Variants in CTIF observed in about 807,000 individuals in gnomAD.
The protein encoded by CTIF is CBP80/20-dependent translation initiation factor.
Under a neutral mutation model 66.0 loss-of-function variants are expected in CTIF, and 21 were observed. The ratio of observed to expected loss-of-function variants is 0.32; its 90% confidence interval spans 0.23 to 0.46. The LOEUF (loss-of-function observed/expected upper bound fraction) is 0.46, where lower values mean the gene tolerates loss of function less well. CTIF is among the 20% of genes least tolerant of loss of function. CTIF has a pLI of 1.00. For synonymous variants in CTIF, 345 were observed against 326.4 expected (o/e 1.06, Z -0.62); for missense variants, 739 against 812.7 (o/e 0.91, Z 1.10).
chr18:48,698,289 C>T (rs766938717), intron 6 of CTIF, among the ~76,000 whole-genome samples: 1 of 152,024 alleles, frequency 6.6e-6, no homozygotes. Context: ...CCTCCTGGAA[C>T]CTGTCGCAGG....
At chr18:48,684,201 C>T (rs1390168793) in intron 6 of CTIF, among the ~76,000 whole-genome samples, 1 of 152,096 alleles carries the variant, frequency 6.6e-6, no homozygotes, top group Non-Finnish European at 1.5e-5. Context: ...GCTGGGGCGA[C>T]CTCATGCCTT....
At chr18:48,749,601 T>C (rs1041139178) in intron 7 of CTIF, among the ~76,000 whole-genome samples, 1 of 152,196 alleles carries the variant, frequency 6.6e-6, no homozygotes, top group Admixed American at 6.5e-5. Flanking sequence ...GGCATAATAA[T>C]ATTACAAACA....
chr18:48,549,720 T>C (rs1430695506), intron 1 of CTIF, among the ~76,000 whole-genome samples: 1 of 152,154 alleles, frequency 6.6e-6, no homozygotes, highest in East Asian at 1.9e-4. Context: ...GAAGATTCTA[T>C]CAAGGCTCCT....
chr18:48,583,707 G>A (rs58086663), intron 1 of CTIF, among the ~76,000 whole-genome samples: 3,672 of 152,282 alleles, frequency 0.024, 145 homozygotes, highest in African/African-American at 0.081. Flanking sequence ...GGGCTTGTAG[G>A]AGGTGCCAAC....
At chr18:48,721,489 T>C (rs2145572021) in intron 7 of CTIF, among the ~76,000 whole-genome samples, 1 of 152,286 alleles carries the variant, frequency 6.6e-6, no homozygotes, top group South Asian at 2.1e-4. Context: ...ACCTGGCCTC[T>C]GGCACCAAGC....
chr18:48,854,376 G>A (rs1296904867), intron 10 of CTIF, among the ~76,000 whole-genome samples: 7 of 152,106 alleles, frequency 4.6e-5, no homozygotes, highest in Non-Finnish European at 7.4e-5. Flanking sequence ...TATGGAGTGC[G>A]GCCCTTTAAC....
intron 10 of CTIF, among the ~76,000 whole-genome samples, chr18:48,841,666 G>C (rs894438795): frequency 7.0e-6 from 1 of 142,400 alleles, no homozygotes; most frequent in Admixed American, 7.3e-5. Context: ...TCGGGGGCCA[G>C]GCTGGTGGGC....
In CTIF at chr18:48,619,726, C is replaced by T. The variant is rs1011115084; in HGVS notation, c.161C>T (p.Thr54Ile). The T allele has an allele frequency of 4.4e-6, 7 of 1,599,840 alleles. No homozygotes were observed. Among genetic ancestry groups the T allele is most frequent in the African/African-American group, 1.3e-5 (1 of 74,668 alleles). The change falls in exon 2 of 12, where the codon ACC becomes ATC. Residue 54 changes from threonine to isoleucine, a missense_variant. Thr to Ile is a moderately conservative substitution (Grantham distance 89, BLOSUM62 -1). Coordinates refer to ENST00000256413, the MANE Select transcript of CTIF (RefSeq NM_014772.3). ...KTEGDGESERTQSHISQWTAD... is the reference protein window; with the variant it reads ...KTEGDGESERIQSHISQWTAD... ...GAGGGTGATGGCGAGAGCGAGAGGA[C>T]CCAGTCCCACATCTCCCAGGTGAGC...
At chr18:48,786,398 C>G (rs957559248) in intron 9 of CTIF, among the ~76,000 whole-genome samples, 1 of 152,194 alleles carries the variant, frequency 6.6e-6, no homozygotes, top group Non-Finnish European at 1.5e-5. Flanking sequence ...GCATTCCTGC[C>G]TAGGTTCAAA....
At chr18:48,845,189 C>T (rs2069043507) in intron 10 of CTIF, among the ~76,000 whole-genome samples, 1 of 152,130 alleles carries the variant, frequency 6.6e-6, no homozygotes, top group South Asian at 2.1e-4. Context: ...GAAGAAAGTA[C>T]AGAAATTCAT....
At chr18:48,675,123 A>G (rs1003037657) in intron 6 of CTIF, among the ~76,000 whole-genome samples, 4 of 145,394 alleles carry the variant, frequency 2.8e-5, no homozygotes, top group African/African-American at 1.0e-4. Flanking sequence ...TCAGGGTTCA[A>G]TCATGGTTCT....
rs1022568460 is a variant in CTIF at position 48,823,612 on chromosome 18, GTTC to G, written c.1527+6243_1527+6245del. On this transcript the variant is annotated intron_variant, in intron 10 of 11. Transcript: ENST00000256413. ...AGGAAGTGTGATTGCCTCAAGCTTT[GTTC>G]TTCTTCACTCAAGATTGCTTTGGCT... 3.3e-5 allele frequency among the ~76,000 whole-genome samples: 5 copies of G among 152,270 alleles called. No homozygotes were observed. In the South Asian group the frequency reaches 8.3e-4, roughly 25 times the overall value.
At chr18:48,686,416 A>G (rs1449421179) in intron 6 of CTIF, among the ~76,000 whole-genome samples, 1 of 151,892 alleles carries the variant, frequency 6.6e-6, no homozygotes, top group Non-Finnish European at 1.5e-5. Context: ...CTTATCTGGT[A>G]TTTTCTCTGC....
intron 2 of CTIF, among the ~76,000 whole-genome samples, chr18:48,620,005 C>T (rs1254797262): frequency 6.6e-6 from 1 of 152,216 alleles, no homozygotes; most frequent in African/African-American, 2.4e-5. Context: ...GCCCACATGT[C>T]TTTGAACATA....
chr18:48,766,035 G>C (rs574439911), intron 9 of CTIF, among the ~76,000 whole-genome samples: 17 of 149,922 alleles, frequency 1.1e-4, no homozygotes, highest in African/African-American at 3.9e-4. Flanking sequence ...CATGTGCCAT[G>C]TTGGTGTGCT....
chr18:48,777,142 CG>C (rs1439227836), intron 9 of CTIF, among the ~76,000 whole-genome samples: 6 of 152,234 alleles, frequency 3.9e-5, no homozygotes, highest in African/African-American at 1.4e-4. Context: ...CCCCACCCGG[CG>C]GGTCTGGCCG....
chr18:48,552,003 T>C (rs564940485), intron 1 of CTIF, among the ~76,000 whole-genome samples: 5 of 152,188 alleles, frequency 3.3e-5, no homozygotes, highest in African/African-American at 1.2e-4. Flanking sequence ...GGGGTTTCAC[T>C]GTGTCAGCCA....
rs2069410470 is a variant in CTIF at position 48,859,514 on chromosome 18, C to T, written c.1752C>T (p.Pro584=). The part of the protein sequence containing the change: ...HANSWNPLTP[P]ITQYYNRTIQ... ...ACAGCTGGAACCCTCTGACGCCCCC[C>T]ATCACGCAGTACTACAACAGAACCA... The change falls in exon 12 of 12, where the codon CCC becomes CCT. Residue 584 remains proline (P), a synonymous_variant. Coordinates refer to ENST00000256413, the MANE Select transcript of CTIF (RefSeq NM_014772.3). 6.2e-7 allele frequency: 1 copy of T among 1,614,212 alleles called. No homozygotes were observed. Among genetic ancestry groups the T allele is most frequent in the Admixed American group, 1.7e-5 (1 of 60,036 alleles).
intron 1 of CTIF, among the ~76,000 whole-genome samples, chr18:48,580,746 C>T (rs1365078800): frequency 1.3e-5 from 2 of 152,208 alleles, no homozygotes; most frequent in East Asian, 3.9e-4. Context: ...GGCTCCTCCT[C>T]CCATCCTGAG....
Sources: allele counts gnomAD v4.1 joint callset (sites outside exome capture counted in the v4.1 genomes callset), GRCh38; gene constraint gnomAD v4.1.1; transcripts MANE v1.5; gene names NCBI Gene and HGNC (gene_info 2026-07-23, HGNC 2026-07-21).